The following TTLL1 variants were observed in gnomAD, a reference collection of about 807,000 sequenced individuals.
TTLL1 encodes the protein polyglutamylase complex subunit TTLL1.
In TTLL1, 33 loss-of-function variants were observed where a neutral mutation model predicts 47.8. That is an observed-to-expected ratio of 0.69 (90% CI 0.52 to 0.92). The LOEUF (loss-of-function observed/expected upper bound fraction) is 0.92. TTLL1 is among the 40% of genes least tolerant of loss of function. TTLL1 has a pLI of 0.00. For synonymous variants in TTLL1, 225 were observed against 214.1 expected, an observed-to-expected ratio of 1.05 and a Z score of -0.45; for missense variants, 488 against 547.5, an observed-to-expected ratio of 0.89 and a Z score of 1.08.
At chr22:43,048,393 G>A (rs1028175540) in intron 9 of TTLL1, among the ~76,000 whole-genome samples, 3 of 151,648 alleles carry the variant, frequency 2.0e-5, no homozygotes, top group African/African-American at 7.3e-5. Context: ...CCAGCACTTT[G>A]GGAGGCCGAG....
intron 8 of TTLL1, among the ~76,000 whole-genome samples, chr22:43,053,434 C>G (rs1028300859): frequency 6.6e-6 from 1 of 152,200 alleles, no homozygotes; most frequent in African/African-American, 2.4e-5. Flanking sequence ...GGCCAGTGCC[C>G]AGATTACTGT....
At chr22:43,073,008 C>T (rs547643046) in intron 3 of TTLL1, among the ~76,000 whole-genome samples, 5 of 151,696 alleles carry the variant, frequency 3.3e-5, no homozygotes, top group Non-Finnish European at 7.4e-5. Flanking sequence ...AGTTTCAATT[C>T]ATTGCAATTA....
At chr22:43,068,306 G>C (rs1927880415) in intron 5 of TTLL1, 104 bp downstream of exon 5, 4 of 1,016,386 alleles carry the variant, frequency 3.9e-6, no homozygotes, top group Admixed American at 2.7e-5. Flanking sequence ...GACAGAGTGA[G>C]ACTCTGTCAA....
At chr22:43,059,285 C>G (rs756383131) in intron 8 of TTLL1, 99 bp downstream of exon 8, 12 of 1,495,376 alleles carry the variant, frequency 8.0e-6, no homozygotes, top group Non-Finnish European at 1.1e-5. Context: ...TGAGCCGCCG[C>G]GCACAGCTGA....
intron 10 of TTLL1, among the ~76,000 whole-genome samples, chr22:43,043,888 G>C (rs1167101998): frequency 6.6e-6 from 1 of 152,010 alleles, no homozygotes; most frequent in Admixed American, 6.6e-5. Context: ...AGTTCATGGT[G>C]GTGGGTGATG....
At position 43,075,561 on chromosome 22, in the gene TTLL1, G is replaced by A. The variant is rs779103504; in HGVS notation, c.26C>T (p.Thr9Ile). The A allele has an allele frequency of 1.2e-6, 2 of 1,614,162 alleles. No homozygotes were observed. The highest frequency in any genetic ancestry group is 2.2e-5 in the East Asian group (1 of 44,872). MAGKVKWV[T>I]DIEKSVLINN... Reference sequence around the variant, plus strand: ...GATCAGCACTGACTTCTCGATATCAGTGACCCATTTTACTTTCCCTGCCAT... The same window carrying A: ...GATCAGCACTGACTTCTCGATATCAATGACCCATTTTACTTTCCCTGCCAT... The change falls in exon 3 of 11, where the codon ACT becomes ATT. Residue 9 changes from threonine (T) to isoleucine (I), a missense_variant. Transcript: ENST00000266254.
intron 9 of TTLL1, among the ~76,000 whole-genome samples, chr22:43,046,885 G>A (rs956304681): frequency 1.3e-5 from 2 of 152,028 alleles, no homozygotes; most frequent in Admixed American, 1.3e-4. Context: ...TGACCAGGCT[G>A]GTCTCGAACT....
rs1928421537 is a variant in TTLL1 at position 43,075,470 on chromosome 22, T to A, written c.113+4A>T. Reference sequence around the variant, plus strand: ...AACAACCCAGCCCTGCTGTGTATGCTTACCAGTAAAAATTCCAGTCCTCGT... The same window carrying A: ...AACAACCCAGCCCTGCTGTGTATGCATACCAGTAAAAATTCCAGTCCTCGT... On this transcript the variant is annotated splice_donor_region_variant and intron_variant, in intron 3 of 10. Transcript: ENST00000266254. 6.2e-7 allele frequency: 1 copy of A among 1,613,252 alleles called. No homozygotes were observed. The highest frequency in any genetic ancestry group is 1.3e-5 in the African/African-American group (1 of 74,922).
At chr22:43,070,260 C>T (rs1569438300) in intron 3 of TTLL1, 1 of 1,283,460 alleles carries the variant, frequency 7.8e-7, no homozygotes, top group Admixed American at 2.3e-5. Flanking sequence ...AACAAAATCA[C>T]AGGGGTTATT....
chr22:43,076,705 T>G (rs1005362592), intron 2 of TTLL1, among the ~76,000 whole-genome samples: 1 of 142,400 alleles, frequency 7.0e-6, no homozygotes, highest in Non-Finnish European at 1.5e-5. Flanking sequence ...GGGCAGAGAT[T>G]GCGCCACTGC....
chr22:43,067,833 C>T (rs1927839880), intron 5 of TTLL1, among the ~76,000 whole-genome samples: 1 of 151,858 alleles, frequency 6.6e-6, no homozygotes, highest in South Asian at 2.1e-4. Flanking sequence ...TAGACAGAAT[C>T]TCACTCTGTC....
intron 6 of TTLL1, 55 bp from the exon 7 acceptor site, chr22:43,063,976 AC>A: frequency 6.4e-7 from 1 of 1,564,464 alleles, no homozygotes. Context: ...AAGAAAAGAC[AC>A]CACTTCATTC....
intron 8 of TTLL1, among the ~76,000 whole-genome samples, chr22:43,056,282 C>T (rs1357734410): frequency 6.6e-6 from 1 of 150,556 alleles, no homozygotes; most frequent in Non-Finnish European, 1.5e-5. Context: ...TTGCTTGAAC[C>T]TGGGAGGCGG....
At chr22:43,069,220 C>CAAAAAAAAAAAAAAAAAAA in intron 4 of TTLL1, among the ~76,000 whole-genome samples, 1 of 80,400 alleles carries the variant, frequency 1.2e-5, no homozygotes, top group Non-Finnish European at 2.9e-5. Flanking sequence ...ACTAAAAATA[C>CAAAAAAAAAAAAAAAAAAA]AAAAAAAAAA....
intron 9 of TTLL1, among the ~76,000 whole-genome samples, chr22:43,050,341 G>A (rs1286278643): frequency 2.6e-5 from 4 of 151,312 alleles, no homozygotes; most frequent in South Asian, 2.1e-4. Flanking sequence ...GCTTAAACCC[G>A]GGAGGCGGAG....
Position 43,063,935 on chromosome 22 carries a change from T to C in TTLL1, c.639-14A>G, listed in dbSNP as rs1927559175. The stretch of plus-strand genomic sequence containing the variant: ...CCAAGCTTGTACCTAGGAGGGAATG[T>C]AGATTAATTCAAACTCTGAGGAGAA... On this transcript the variant is annotated splice_polypyrimidine_tract_variant and intron_variant, in intron 6 of 10. Transcript: ENST00000266254. The C allele has an allele frequency of 6.2e-7, 1 of 1,611,358 alleles. No individual in the cohort carries two copies. The highest frequency in any genetic ancestry group is 1.1e-5 in the South Asian group (1 of 90,834).
intron 3 of TTLL1, among the ~76,000 whole-genome samples, chr22:43,072,639 T>G (rs1160873925): frequency 1.3e-5 from 2 of 151,968 alleles, no homozygotes; most frequent in Non-Finnish European, 2.9e-5. Flanking sequence ...GCCTGGATAA[T>G]TTTTGTATTT....
intron 10 of TTLL1, among the ~76,000 whole-genome samples, chr22:43,042,007 G>C (rs1925722528): frequency 6.6e-6 from 1 of 152,138 alleles, no homozygotes; most frequent in Non-Finnish European, 1.5e-5. Context: ...GCCTGGGTGG[G>C]GGGGGTCCTC....
chr22:43,046,270 C>G, intron 10 of TTLL1, 140 bp downstream of exon 10: 1 of 878,584 alleles, frequency 1.1e-6, no homozygotes, highest in Non-Finnish European at 1.8e-6. Context: ...ACAACAAGAT[C>G]TATCCCATCA....
Sources: gnomAD v4.1 joint callset for allele counts (sites outside exome capture counted in the v4.1 genomes callset) on GRCh38, gnomAD v4.1.1 for gene constraint, MANE v1.5 for transcripts, NCBI Gene and HGNC (gene_info 2026-07-23, HGNC 2026-07-21) for gene names.